The following PTPRG variants were observed in gnomAD, a reference collection of about 807,000 sequenced individuals.
PTPRG encodes the protein receptor-type tyrosine-protein phosphatase gamma.
A neutral mutation model predicts 165.3 loss-of-function variants in PTPRG; 102 were observed. The observed-to-expected ratio is 0.62, with a 90% CI of 0.53 to 0.73. PTPRG has a LOEUF of 0.73. PTPRG is among the 30% of genes least tolerant of loss of function. PTPRG has a pLI of 0.00. For synonymous variants in PTPRG, 675 were observed against 669.5 expected (o/e 1.01, Z -0.13); for missense variants, 1,866 against 1,861.4 (o/e 1.00, Z -0.05).
rs1700054940 is a variant in PTPRG, at chr3:61,571,505, A to G, written c.85+9133A>G. On this transcript the variant is annotated intron_variant, in intron 1 of 29. Transcript: ENST00000474889. ...GTCTTCCTGTACTTGCTACAATTAA[A>G]TAAGTAAGTAATGCAATTAGTATAG... Among the ~76,000 whole-genome samples the G allele has an allele frequency of 2.0e-5, 3 of 152,208 alleles. No homozygotes were observed. In the South Asian group the frequency reaches 6.2e-4, roughly 31 times the overall value.
At chr3:61,948,177 T>C (rs2039810492) in intron 2 of PTPRG, among the ~76,000 whole-genome samples, 1 of 151,994 alleles carries the variant, frequency 6.6e-6, no homozygotes, top group Non-Finnish European at 1.5e-5. Context: ...ATAAAAAAAT[T>C]AGCTGGGTGT....
intron 1 of PTPRG, among the ~76,000 whole-genome samples, chr3:61,682,982 CTCTT>C (rs1035189391): frequency 2.0e-5 from 3 of 152,098 alleles, no homozygotes; most frequent in Non-Finnish European, 4.4e-5. Flanking sequence ...TTTTCTTTCT[CTCTT>C]TCTTCCTTCC....
chr3:61,930,626 TC>T (rs2039334850), intron 2 of PTPRG, among the ~76,000 whole-genome samples: 1 of 152,230 alleles, frequency 6.6e-6, no homozygotes, highest in Non-Finnish European at 1.5e-5. Context: ...AACTTAAAGC[TC>T]TGGATGTACA....
At chr3:61,754,993 C>CT (rs869191842) in intron 2 of PTPRG, among the ~76,000 whole-genome samples, 60 of 146,446 alleles carry the variant, frequency 4.1e-4, no homozygotes, top group Middle Eastern at 3.6e-3. Context: ...TCTTCTTCTT[C>CT]TTTTTTTTTT....
chr3:62,246,097 T>C (rs1418846123), intron 15 of PTPRG, among the ~76,000 whole-genome samples: 1 of 152,184 alleles, frequency 6.6e-6, no homozygotes, highest in Non-Finnish European at 1.5e-5. Flanking sequence ...TAATTCATAC[T>C]CACTACTAGT....
At chr3:62,008,583 T>C (rs2041348072) in intron 4 of PTPRG, among the ~76,000 whole-genome samples, 2 of 152,224 alleles carry the variant, frequency 1.3e-5, no homozygotes, top group African/African-American at 4.8e-5. Context: ...CCAGATGTTT[T>C]AGAATTCAGA....
intron 2 of PTPRG, among the ~76,000 whole-genome samples, chr3:61,965,816 A>G (rs1345203106): frequency 6.6e-6 from 1 of 152,236 alleles, no homozygotes; most frequent in Non-Finnish European, 1.5e-5. Context: ...GAGTTTAGGT[A>G]ACTTGCCCAG....
intron 2 of PTPRG, among the ~76,000 whole-genome samples, chr3:61,973,872 T>C (rs73081406): frequency 0.12 from 17,861 of 152,038 alleles, 1,162 homozygotes; most frequent in African/African-American, 0.16. Flanking sequence ...GATTGGTTTC[T>C]TCTTTAAAAA....
At chr3:62,124,136 C>T (rs1295510680) in intron 5 of PTPRG, 9 of 603,600 alleles carry the variant, frequency 1.5e-5, no homozygotes, top group Middle Eastern at 2.7e-4. Flanking sequence ...ATAAGTTCAG[C>T]GCTTAAAAGG....
chr3:62,082,454 TAC>T (rs1173865591), intron 5 of PTPRG, among the ~76,000 whole-genome samples: 2 of 152,250 alleles, frequency 1.3e-5, no homozygotes, highest in Non-Finnish European at 2.9e-5. Context: ...TTGTTGAATT[TAC>T]ACAGTGTTTA....
intron 1 of PTPRG, chr3:61,742,371 T>C (rs371165993): frequency 1.0e-6 from 1 of 1,000,938 alleles, no homozygotes. Context: ...TAGGACATTT[T>C]TATAGGAAGA....
chr3:61,881,267 G>A (rs2037881965), intron 2 of PTPRG, among the ~76,000 whole-genome samples: 1 of 152,122 alleles, frequency 6.6e-6, no homozygotes, highest in African/African-American at 2.4e-5. Context: ...TGAATTGTAT[G>A]CATGACTGTT....
At chr3:61,767,087 TACA>T (rs1359446059) in intron 2 of PTPRG, among the ~76,000 whole-genome samples, 2 of 151,400 alleles carry the variant, frequency 1.3e-5, no homozygotes, top group Non-Finnish European at 2.9e-5. Context: ...CTACTAAAAA[TACA>T]ACAATTAGCT....
chr3:61,794,027 C>G (rs2034972187), intron 2 of PTPRG, among the ~76,000 whole-genome samples: 1 of 152,174 alleles, frequency 6.6e-6, no homozygotes, highest in Admixed American at 6.5e-5. Flanking sequence ...AAGTTAATGT[C>G]ACAGATTTTG....
chr3:61,972,867 C>G (rs1426524552), intron 2 of PTPRG, among the ~76,000 whole-genome samples: 1 of 150,662 alleles, frequency 6.6e-6, no homozygotes, highest in African/African-American at 2.4e-5. Context: ...CTATGTTGCT[C>G]AGGCTGGTCT....
chr3:62,090,583 GATCA>G (rs1444473506), intron 5 of PTPRG, among the ~76,000 whole-genome samples: 6 of 152,172 alleles, frequency 3.9e-5, no homozygotes, highest in African/African-American at 1.4e-4. Context: ...GACTAAAACA[GATCA>G]GACAGGTAAA....
chr3:62,050,683 C>T (rs577065266), intron 4 of PTPRG, among the ~76,000 whole-genome samples: 23 of 152,236 alleles, frequency 1.5e-4, no homozygotes, highest in African/African-American at 3.1e-4. Context: ...AAGAAAAATG[C>T]GAGAATTTAG....
intron 1 of PTPRG, among the ~76,000 whole-genome samples, chr3:61,707,841 T>G (rs1040037330): frequency 6.6e-6 from 1 of 152,148 alleles, no homozygotes; most frequent in Non-Finnish European, 1.5e-5. Flanking sequence ...TAGGCTGGAG[T>G]GCAGTGGTGT....
chr3:62,216,299 T>G (rs1482034480), intron 12 of PTPRG, among the ~76,000 whole-genome samples: 2 of 152,112 alleles, frequency 1.3e-5, no homozygotes, highest in African/African-American at 4.8e-5. Context: ...AGGGACTATT[T>G]TGGCCAAGAG....
Sources: gnomAD v4.1 joint callset for allele counts (sites outside exome capture counted in the v4.1 genomes callset) on GRCh38, gnomAD v4.1.1 for gene constraint, MANE v1.5 for transcripts, NCBI Gene and HGNC (gene_info 2026-07-23, HGNC 2026-07-21) for gene names.